LRP1: variants seen among roughly 807,000 people sequenced by gnomAD.
LRP1 encodes the protein LDL receptor related protein 1, also known as prolow-density lipoprotein receptor-related protein 1.
A neutral mutation model predicts 541.5 loss-of-function variants in LRP1; 51 were observed. That is an observed-to-expected ratio of 0.09 (90% CI 0.08 to 0.12). The LOEUF is 0.12. Ranked by LOEUF, LRP1 falls within the 10% of genes least tolerant of loss-of-function variation. LRP1 has a pLI of 1.00. For synonymous variants in LRP1, 2,219 were observed against 2,470.8 expected (o/e 0.90, Z 3.02); for missense variants, 3,878 against 6,376.2 (o/e 0.61, Z 13.34).
chr12:57,199,143 G>C, intron 60 of LRP1, 69 bp from the exon 61 acceptor site: 1 of 1,462,044 alleles, frequency 6.8e-7, no homozygotes, highest in Non-Finnish European at 9.5e-7. Flanking sequence ...GGCTTGAGGA[G>C]GTGGAGTGGG....
rs746938549 is a variant in LRP1, at chr12:57,154,239, A to C, written c.873A>C (p.Thr291=). 3.3e-5 allele frequency: 54 copies of C among 1,614,042 alleles called. No homozygotes were observed. In the African/African-American group the frequency reaches 6.5e-4, roughly 20 times the overall value. The change falls in exon 7 of 89, where the codon ACA becomes ACC. Residue 291 remains threonine, a synonymous_variant. Transcript: ENST00000243077. The surrounding 1 kb of genome is among the most constrained non-coding windows in gnomAD (Gnocchi z 4.6). ...HVEQMAIDWL[T]GNFYFVDDID... ...AACAGATGGCCATCGACTGGCTGACAGGCAACTTCTACTTTGTGGATGACA... is the reference window on the plus strand; with the variant it reads ...AACAGATGGCCATCGACTGGCTGACCGGCAACTTCTACTTTGTGGATGACA...
In LRP1 at chr12:57,175,501, T is replaced by G. The variant is rs1470848709; in HGVS notation, c.3589T>G (p.Ser1197Ala). ...TAACGGTGGCTGCAGCCACAACTGC[T>G]CAGTGGCACCTGGCGAAGGCATTGT... is the stretch of plus-strand genomic sequence containing the variant. ...LNNGGCSHNCSVAPGEGIVCS... is the reference protein window; with the variant it reads ...LNNGGCSHNCAVAPGEGIVCS... Residue 1197 changes from serine (S) to alanine (A), a missense_variant, in exon 23 of 89, where the codon TCA becomes GCA. By Grantham distance (99) the Ser-to-Ala change is moderately conservative (BLOSUM62 1). Coordinates refer to ENST00000243077, the MANE Select transcript of LRP1 (RefSeq NM_002332.3). 6.2e-7 allele frequency: 1 copy of G among 1,613,918 alleles called. No individual in the cohort carries two copies. Among genetic ancestry groups the G allele is most frequent in the East Asian group, 2.2e-5 (1 of 44,866 alleles).
In LRP1 at chr12:57,197,111, G is replaced by A. The variant is rs2036550844; in HGVS notation, c.9022G>A (p.Val3008Met). 13 of 1,614,112 alleles carry A rather than the reference G, an allele frequency of 8.1e-6. No individual in the cohort carries two copies. Among genetic ancestry groups the A allele is most frequent in the Non-Finnish European group, 1.1e-5 (13 of 1,180,018 alleles). ...TCATGGCAGCTATAAGTGTCTGTGT[G>A]TGGAGGGCTATGCACCCCGCGGCGG... Reference protein sequence around the residue: ...NTHGSYKCLCVEGYAPRGGDP... With the variant: ...NTHGSYKCLCMEGYAPRGGDP... The change falls in exon 56 of 89, where the codon GTG becomes ATG. Residue 3008 changes from valine to methionine, a missense_variant. Val to Met is a conservative substitution (Grantham distance 21). Coordinates refer to ENST00000243077, the MANE Select transcript of LRP1 (RefSeq NM_002332.3). The surrounding 1 kb of genome is among the most constrained non-coding windows in gnomAD (Gnocchi z 4.5).
intron 1 of LRP1, among the ~76,000 whole-genome samples, chr12:57,138,133 C>G (rs991697021): frequency 6.6e-6 from 1 of 152,196 alleles, no homozygotes; most frequent in Non-Finnish European, 1.5e-5. Flanking sequence ...ACTCTGTCAT[C>G]AAAGCCAGGG....
rs367965913 is a variant in LRP1, at chr12:57,166,234, C to T, written c.2797+25C>T. ...GGTGTGGAGCGGGGCTCAGATCACACGAGGCACCCCTCAGTCAAGGAGGCA... is the reference window on the plus strand; with the variant it reads ...GGTGTGGAGCGGGGCTCAGATCACATGAGGCACCCCTCAGTCAAGGAGGCA... On this transcript the variant is annotated intron_variant, in intron 17 of 88. Transcript: ENST00000243077. 283 of 1,575,910 alleles carry T rather than the reference C, an allele frequency of 1.8e-4. 3 individuals carry two copies. The Middle Eastern group carries it at 2.7e-3, about 15-fold the overall frequency.
chr12:57,158,448 C>T lies in LRP1; in HGVS notation c.1608C>T (p.Gly536=). The T allele has an allele frequency of 3.7e-6, 6 of 1,613,894 alleles. No homozygotes were observed. The highest frequency in any genetic ancestry group is 5.1e-6 in the Non-Finnish European group (6 of 1,179,758). ...LFLVYGKGRP[G]IIRGMDMGAK... ...TCGTGTATGGCAAGGGCCGGCCAGG[C>T]ATCATCCGGGGCATGGATATGGGGG... The change falls in exon 11 of 89, where the codon GGC becomes GGT. Residue 536 remains glycine, a synonymous_variant. Coordinates refer to ENST00000243077, the MANE Select transcript of LRP1 (RefSeq NM_002332.3). This position sits in a 1 kb window ranked among gnomAD's most constrained non-coding sequence, Gnocchi z 5.3.
chr12:57,166,062 C>G, intron 16 of LRP1, 22 bp from the exon 17 acceptor site: 1 of 1,614,068 alleles, frequency 6.2e-7, no homozygotes, highest in Non-Finnish European at 8.5e-7. Flanking sequence ...TCTCGCTGAC[C>G]CCTGACTCAT....
Position 57,187,478 on chromosome 12 carries a change from G to T in LRP1, c.7031+22G>T. ...AGAAGTGAGCTGCTGCCTGGGGATG[G>T]GGGTAGCAGGGAGAGGTGGGACTCG... is the stretch of plus-strand genomic sequence containing the variant. On this transcript the variant is annotated intron_variant, in intron 42 of 88. Coordinates refer to ENST00000243077, the MANE Select transcript of LRP1 (RefSeq NM_002332.3). 3.7e-6 allele frequency: 6 copies of T among 1,601,784 alleles called. No individual in the cohort carries two copies. The South Asian group carries it at 6.7e-5, about 18-fold the overall frequency.
intron 1 of LRP1, among the ~76,000 whole-genome samples, chr12:57,135,591 C>A (rs956109757): frequency 3.9e-5 from 6 of 152,334 alleles, no homozygotes; most frequent in African/African-American, 1.4e-4. Context: ...CCAGCCCTGA[C>A]AGGAAGTTCT....
Position 57,166,137 on chromosome 12 carries a change from C to G in LRP1, c.2725C>G (p.Pro909Ala). The G allele has an allele frequency of 6.2e-7, 1 of 1,614,202 alleles. No homozygotes were observed. The highest frequency in any genetic ancestry group is 8.5e-7 in the Non-Finnish European group (1 of 1,180,030). The stretch of plus-strand genomic sequence containing the variant: ...CAAGTGCGAGAACAACCGGTGCATC[C>G]CCAACCGCTGGCTCTGCGACGGGGA... ...RFKCENNRCI[P>A]NRWLCDGDND... Residue 909 changes from proline to alanine, a missense_variant, in exon 17 of 89, where the codon CCC becomes GCC. By Grantham distance (27) the Pro-to-Ala change is conservative. Around this residue, in one of 13 missense-constraint regions of LRP1, gnomAD observed 496 missense variants for 861.0 expected, o/e 0.58. Transcript: ENST00000243077.
chr12:57,202,356 C>T, intron 67 of LRP1, 65 bp from the exon 68 acceptor site: 1 of 1,278,678 alleles, frequency 7.8e-7, no homozygotes, highest in Non-Finnish European at 1.1e-6. Context: ...CCTGACCATG[C>T]CTGCTTGGAC....
At position 57,180,800 on chromosome 12, in the gene LRP1, C is replaced by G. The variant is rs2036148276; in HGVS notation, c.5520C>G (p.Ile1840Met). Residue 1840 changes from isoleucine to methionine, a missense_variant, in exon 33 of 89, where the codon ATC becomes ATG. Physicochemically the swap from Ile to Met is conservative, Grantham distance 10. This residue lies in a region of LRP1 where 394 missense variants were observed against 635.9 expected (regional missense o/e 0.62). Transcript: ENST00000243077. Reference protein sequence around the residue: ...VMHMKVYDESIQLDHKGTNPC... With the variant: ...VMHMKVYDESMQLDHKGTNPC... ...ACATGAAGGTCTATGACGAGAGCAT[C>G]CAGCTGGGTAGGTGCGAGGCCGGGC... The G allele has an allele frequency of 6.2e-7, 1 of 1,613,910 alleles. No individual in the cohort carries two copies. Among genetic ancestry groups the G allele is most frequent in the Non-Finnish European group, 8.5e-7 (1 of 1,179,984 alleles).
At position 57,162,306 on chromosome 12, in the gene LRP1, T is replaced by C. The variant is rs60627261; in HGVS notation, c.2203-11T>C. The C allele has an allele frequency of 9.1e-4, 1,470 of 1,612,928 alleles. 12 individuals are homozygous for C. In the African/African-American group the frequency reaches 0.017, roughly 19 times the overall value. ...CTTCCAACTCCTTAGTAACATCCTC[T>C]CCATCCCTAGATTGTGTATGAAGGT... On this transcript the variant is annotated splice_polypyrimidine_tract_variant and intron_variant, in intron 13 of 88. Coordinates refer to ENST00000243077, the MANE Select transcript of LRP1 (RefSeq NM_002332.3). This position sits in a 1 kb window ranked among gnomAD's most constrained non-coding sequence, Gnocchi z 5.2.
chr12:57,192,774 GTGGGTGCACTC>G lies in LRP1; in HGVS notation c.7430-62_7430-52del, dbSNP rs1324921538. The G allele has an allele frequency of 2.5e-6, 4 of 1,595,424 alleles. No homozygotes were observed. In the African/African-American group the frequency reaches 5.4e-5, roughly 21 times the overall value. ...GGAGCTCCATGAAGTCAGTGAATGG[GTGGGTGCACTC>G]TGGGTGCATGCACAGCAGAGAACAC... On this transcript the variant is annotated intron_variant, in intron 44 of 88. Transcript: ENST00000243077.
intron 33 of LRP1, among the ~76,000 whole-genome samples, 175 bp downstream of exon 33, chr12:57,180,982 G>A (rs1405273298): frequency 1.3e-5 from 2 of 152,240 alleles, no homozygotes; most frequent in Admixed American, 6.5e-5. Flanking sequence ...CAGCAGCCCT[G>A]TTCACAAGGC....
At chr12:57,138,151 G>T (rs1045903432) in intron 1 of LRP1, among the ~76,000 whole-genome samples, 6 of 152,170 alleles carry the variant, frequency 3.9e-5, no homozygotes, top group Non-Finnish European at 7.4e-5. Flanking sequence ...GGGGGTGCTG[G>T]TGTCTGATGA....
At chr12:57,207,352 T>TAG (rs2136751844) in intron 76 of LRP1, among the ~76,000 whole-genome samples, 1 of 150,846 alleles carries the variant, frequency 6.6e-6, no homozygotes, top group South Asian at 2.1e-4. Context: ...ATACAAAGAT[T>TAG]AGCCAGGCGT....
Position 57,203,914 on chromosome 12 carries a change from G to A in LRP1, c.10951+393G>A, listed in dbSNP as rs373109379. The A allele has an allele frequency of 9.7e-4, 211 of 218,206 alleles. No individual in the cohort carries two copies. The South Asian group carries it at 0.011, about 11-fold the overall frequency. The allele number at this position is 218,206 out of a possible 1,614,324, so 13.5% of individuals were successfully genotyped here. ...GGCAGTGAGACAGTGCCTGTCCCTC[G>A]CTGACCTGCCTGGGCTCTGCAGTAC... is the stretch of plus-strand genomic sequence containing the variant. On this transcript the variant is annotated intron_variant, in intron 70 of 88. Coordinates refer to ENST00000243077, the MANE Select transcript of LRP1 (RefSeq NM_002332.3).
chr12:57,141,615 C>T (rs1200397905), intron 3 of LRP1, 104 bp downstream of exon 3: 3 of 1,401,166 alleles, frequency 2.1e-6, no homozygotes, highest in African/African-American at 1.4e-5. Flanking sequence ...AGGCCTTGTC[C>T]TGGTCCCCTG....
Sources: allele counts gnomAD v4.1 joint callset (sites outside exome capture counted in the v4.1 genomes callset), GRCh38; gene constraint gnomAD v4.1.1; regional missense constraint gnomAD v4.1.1; non-coding constraint Gnocchi (gnomAD v3.1); transcripts MANE v1.5; gene names NCBI Gene and HGNC (gene_info 2026-07-23, HGNC 2026-07-21).